The following SOX5 variants were observed in gnomAD, a reference collection of about 807,000 sequenced individuals.
The protein encoded by SOX5 is SRY-box transcription factor 5, also known as transcription factor SOX-5.
SOX5 carries 9 observed loss-of-function variants against 92.0 expected under a neutral mutation model. That is an observed-to-expected ratio of 0.10 (90% CI 0.06 to 0.17). The LOEUF (loss-of-function observed/expected upper bound fraction) is 0.17, where lower values mean the gene tolerates loss of function less well. Among genes scored for constraint, SOX5 ranks in the 10% least tolerant of loss-of-function variants. SOX5 has a pLI of 1.00. For missense variants in SOX5, 642 were observed against 944.5 expected, an observed-to-expected ratio of 0.68 and a Z score of 4.20; for synonymous variants, 344 against 336.3, an observed-to-expected ratio of 1.02 and a Z score of -0.25.
chr12:24,158,645 C>G (rs1306478100), intron 4 of SOX5, among the ~76,000 whole-genome samples: 3 of 151,944 alleles, frequency 2.0e-5, no homozygotes. Context: ...TCCAGTAAAT[C>G]TATTGTTCAA....
At position 24,301,375 on chromosome 12, in the gene SOX5, C is replaced by T. The variant is rs534606725; in HGVS notation, c.-173-24063G>A. ...TCTCAGTGGATACATCTAACAATAA[C>T]TATGACTATATCTTATTACAATGAT... On this transcript the variant is annotated intron_variant, in intron 2 of 4. Transcript: ENST00000446891. Among the ~76,000 whole-genome samples, 5 of 152,298 alleles carry T rather than the reference C, an allele frequency of 3.3e-5. No homozygotes were observed. The East Asian group carries it at 7.7e-4, about 23-fold the overall frequency.
At chr12:23,699,980 T>C (rs2090401268) in intron 6 of SOX5, among the ~76,000 whole-genome samples, 1 of 152,098 alleles carries the variant, frequency 6.6e-6, no homozygotes, top group Admixed American at 6.6e-5. Flanking sequence ...CTCTGTTTTA[T>C]AAAAAAACAT....
chr12:24,341,177 AT>A (rs1952532962), intron 2 of SOX5, among the ~76,000 whole-genome samples: 1 of 152,184 alleles, frequency 6.6e-6, no homozygotes, highest in Admixed American at 6.5e-5. Flanking sequence ...AATGCATCTG[AT>A]TAATAGTAAC....
At chr12:23,979,930 CAGACAGATAGAT>C (rs1225375581) in intron 4 of SOX5, among the ~76,000 whole-genome samples, 46 of 137,182 alleles carry the variant, frequency 3.4e-4, no homozygotes, top group African/African-American at 1.3e-3. Context: ...GACAGACAGA[CAGACAGATAGAT>C]AGATAGATAG....
chr12:23,895,203 G>C (rs1315500567), intron 2 of SOX5, among the ~76,000 whole-genome samples: 3 of 95,598 alleles, frequency 3.1e-5, no homozygotes, highest in African/African-American at 1.1e-4. Flanking sequence ...TTCCAGAATA[G>C]GATGCAAAAA....
At chr12:24,327,751 T>C (rs1818331) in intron 2 of SOX5, among the ~76,000 whole-genome samples, 38,099 of 151,794 alleles carry the variant, frequency 0.25, 5,628 homozygotes, top group East Asian at 0.58. Flanking sequence ...GCCCGGCTAA[T>C]TTTTTTATGT....
intron 4 of SOX5, among the ~76,000 whole-genome samples, chr12:24,143,353 A>G (rs566773571): frequency 6.6e-6 from 1 of 152,198 alleles, no homozygotes; most frequent in Non-Finnish European, 1.5e-5. Flanking sequence ...AATAAGACCT[A>G]CAATTAGAAG....
chr12:23,660,211 A>G (rs2082851590), intron 7 of SOX5, among the ~76,000 whole-genome samples: 1 of 152,200 alleles, frequency 6.6e-6, no homozygotes, highest in Non-Finnish European at 1.5e-5. Context: ...TTTTCCTTTC[A>G]AAACAAGATC....
At chr12:23,959,794 T>C (rs1328004943) in intron 4 of SOX5, among the ~76,000 whole-genome samples, 1 of 152,158 alleles carries the variant, frequency 6.6e-6, no homozygotes, top group Non-Finnish European at 1.5e-5. Flanking sequence ...CTCAACATCT[T>C]CCATTATAAT....
At chr12:23,698,127 A>C (rs927616442) in intron 6 of SOX5, among the ~76,000 whole-genome samples, 1 of 152,178 alleles carries the variant, frequency 6.6e-6, no homozygotes, top group South Asian at 2.1e-4. Context: ...GTAGAGTCTA[A>C]GAAGAACCTT....
intron 8 of SOX5, among the ~76,000 whole-genome samples, chr12:23,604,782 C>T (rs917320582): frequency 6.6e-6 from 1 of 152,060 alleles, no homozygotes; most frequent in African/African-American, 2.4e-5. Context: ...AAGAGCCATC[C>T]AAATTTACTT....
At chr12:24,523,645 T>G (rs964446806) in intron 1 of SOX5, among the ~76,000 whole-genome samples, 1 of 152,086 alleles carries the variant, frequency 6.6e-6, no homozygotes, top group Non-Finnish European at 1.5e-5. Flanking sequence ...GAGGAAGGAA[T>G]AGTCTCTTCA....
At chr12:24,437,867 A>T (rs1000213790) in intron 1 of SOX5, among the ~76,000 whole-genome samples, 7 of 152,358 alleles carry the variant, frequency 4.6e-5, no homozygotes, top group Admixed American at 1.3e-4. Context: ...TGTGGAAGAC[A>T]GTGTGGTGAT....
At chr12:23,563,709 A>G (rs1395877221) in intron 10 of SOX5, among the ~76,000 whole-genome samples, 1 of 152,200 alleles carries the variant, frequency 6.6e-6, no homozygotes, top group Non-Finnish European at 1.5e-5. Flanking sequence ...TTTAGTTATT[A>G]TTCGAATATT....
intron 6 of SOX5, among the ~76,000 whole-genome samples, chr12:23,694,167 T>A (rs2089406842): frequency 6.6e-6 from 1 of 152,222 alleles, no homozygotes; most frequent in Non-Finnish European, 1.5e-5. Context: ...TTTTCATGAC[T>A]GTTTTTAAGA....
chr12:24,280,050 G>C (rs769517016), intron 2 of SOX5, among the ~76,000 whole-genome samples: 2 of 151,982 alleles, frequency 1.3e-5, no homozygotes, highest in African/African-American at 4.8e-5. Flanking sequence ...TAGGGACTGT[G>C]AATCTAATGG....
chr12:24,014,365 C>T (rs1436840457), intron 4 of SOX5, among the ~76,000 whole-genome samples: 2 of 152,194 alleles, frequency 1.3e-5, no homozygotes, highest in African/African-American at 2.4e-5. Flanking sequence ...TCATCAGAGG[C>T]TGTGGGTTTA....
intron 6 of SOX5, among the ~76,000 whole-genome samples, chr12:23,702,401 T>C (rs546841666): frequency 1.5e-3 from 235 of 152,144 alleles, no homozygotes; most frequent in African/African-American, 5.3e-3. Context: ...CTCATCAAAG[T>C]TGGGTATTTA....
chr12:24,200,869 A>C (rs35487142), intron 4 of SOX5, among the ~76,000 whole-genome samples: 8 of 152,206 alleles, frequency 5.3e-5, no homozygotes, highest in Non-Finnish European at 1.2e-4. Flanking sequence ...ACAGAATTTT[A>C]TTCAAATTGC....
Sources: allele counts gnomAD v4.1 joint callset (sites outside exome capture counted in the v4.1 genomes callset), GRCh38; gene constraint gnomAD v4.1.1; transcripts MANE v1.5; gene names NCBI Gene and HGNC (gene_info 2026-07-23, HGNC 2026-07-21).